Variants in RBFOX3 observed in about 807,000 individuals in gnomAD.
RBFOX3 encodes RNA binding protein fox-1 homolog 3.
Under a neutral mutation model 48.7 loss-of-function variants are expected in RBFOX3, and 17 were observed. The ratio of observed to expected loss-of-function variants is 0.35; its 90% CI spans 0.24 to 0.52. The LOEUF (loss-of-function observed/expected upper bound fraction) is 0.52, where lower values mean the gene tolerates loss of function less well. Ranked by LOEUF, RBFOX3 falls within the 20% of genes least tolerant of loss-of-function variation. RBFOX3 has a pLI of 0.94. For synonymous variants in RBFOX3, 212 were observed against 209.5 expected (o/e 1.01, Z -0.10); for missense variants, 382 against 497.5 (o/e 0.77, Z 2.21).
At chr17:79,192,871 G>A (rs1412700305) in intron 4 of RBFOX3, among the ~76,000 whole-genome samples, 1 of 152,188 alleles carries the variant, frequency 6.6e-6, no homozygotes, top group Non-Finnish European at 1.5e-5. Context: ...TCCCTTTGGG[G>A]CCCTGCACAC....
intron 3 of RBFOX3, among the ~76,000 whole-genome samples, chr17:79,262,348 G>C (rs894359124): frequency 6.6e-6 from 1 of 152,248 alleles, no homozygotes; most frequent in African/African-American, 2.4e-5. Context: ...ACTGGCCTGG[G>C]AGCCAGCCAT....
chr17:79,290,208 T>C (rs1028038449), intron 3 of RBFOX3, among the ~76,000 whole-genome samples: 54 of 151,852 alleles, frequency 3.6e-4, no homozygotes, highest in African/African-American at 1.3e-3. Flanking sequence ...GGAGGCATCA[T>C]AGAGCCTTGT....
At chr17:79,412,865 TGTGGTGTGTATGCAC>T (rs1487227958) in intron 2 of RBFOX3, among the ~76,000 whole-genome samples, 1 of 151,514 alleles carries the variant, frequency 6.6e-6, no homozygotes, top group Admixed American at 6.6e-5. Context: ...TGAATGTATG[TGTGGTGTGTATGCAC>T]GTGTTGTGTA....
At chr17:79,341,077 C>G (rs1421999699) in intron 2 of RBFOX3, among the ~76,000 whole-genome samples, 1 of 152,216 alleles carries the variant, frequency 6.6e-6, no homozygotes, top group Non-Finnish European at 1.5e-5. Flanking sequence ...ATTCAAATAC[C>G]TCTGAGTGTT....
intron 14 of RBFOX3, 99 bp from the exon 15 acceptor site, chr17:79,090,984 A>G: frequency 8.3e-7 from 1 of 1,208,044 alleles, no homozygotes; most frequent in Non-Finnish European, 1.1e-6. Context: ...CCTGGCCTAA[A>G]GTCCTGGCGC....
intron 2 of RBFOX3, among the ~76,000 whole-genome samples, chr17:79,425,869 A>G (rs1260281276): frequency 6.6e-6 from 1 of 150,940 alleles, no homozygotes; most frequent in East Asian, 2.0e-4. Context: ...GAGGGCAGAG[A>G]CCCCCTTCCA....
At chr17:79,497,102 G>A (rs1887703138) in intron 1 of RBFOX3, among the ~76,000 whole-genome samples, 1 of 152,102 alleles carries the variant, frequency 6.6e-6, no homozygotes, top group African/African-American at 2.4e-5. Context: ...GGAAGTCCTG[G>A]GTCCACCCCC....
At chr17:79,476,095 A>G (rs1479905939) in intron 2 of RBFOX3, among the ~76,000 whole-genome samples, 4 of 152,232 alleles carry the variant, frequency 2.6e-5, no homozygotes, top group Non-Finnish European at 4.4e-5. Flanking sequence ...CACCCTGAGG[A>G]CCAGGCCCTG....
intron 1 of RBFOX3, among the ~76,000 whole-genome samples, chr17:79,510,362 C>T (rs2083938788): frequency 1.3e-5 from 2 of 152,214 alleles, no homozygotes; most frequent in Non-Finnish European, 2.9e-5. Flanking sequence ...CTGACAAGCA[C>T]GCAGGACACG....
At chr17:79,628,812 C>T in the RBFOX3 span, among the ~76,000 whole-genome samples, 1 of 152,222 alleles carries the variant, frequency 6.6e-6, no homozygotes, top group South Asian at 2.1e-4. Context: ...AGACAAAAGG[C>T]AACTTTCTTC....
chr17:79,498,309 GA>G (rs1396637933), intron 1 of RBFOX3, among the ~76,000 whole-genome samples: 1 of 152,110 alleles, frequency 6.6e-6, no homozygotes, highest in African/African-American at 2.4e-5. Flanking sequence ...GGCTCTTGTG[GA>G]GCTTCATGAA....
At chr17:79,597,001 T>A (rs2145226881) in intron 1 of RBFOX3, among the ~76,000 whole-genome samples, 1 of 152,192 alleles carries the variant, frequency 6.6e-6, no homozygotes, top group Admixed American at 6.5e-5. Context: ...GCCACGCCCC[T>A]CCTAGGACAC....
Position 79,175,255 on chromosome 17 carries a change from C to A in RBFOX3, c.-33-59507G>T, listed in dbSNP as rs2050281674. On this transcript the variant is annotated intron_variant, in intron 4 of 14. Transcript: ENST00000693108. Reference sequence around the variant, plus strand: ...CCTGACCCTGAGCACCTGTCATTTCCCAACTGGCATCCTCGCTCTTTCACA... The same window carrying A: ...CCTGACCCTGAGCACCTGTCATTTCACAACTGGCATCCTCGCTCTTTCACA... Among the ~76,000 whole-genome samples the A allele has an allele frequency of 2.0e-5, 3 of 152,242 alleles. 1 individual carries two copies. In the South Asian group the frequency reaches 6.2e-4, roughly 31 times the overall value.
intron 3 of RBFOX3, among the ~76,000 whole-genome samples, chr17:79,280,847 G>GT (rs199840719): frequency 2.7e-5 from 4 of 147,394 alleles, no homozygotes; most frequent in Non-Finnish European, 4.5e-5. Flanking sequence ...ATTGTGGGGG[G>GT]GGGGAGGGGA....
intron 1 of RBFOX3, among the ~76,000 whole-genome samples, chr17:79,541,734 G>A (rs896675480): frequency 6.6e-6 from 1 of 152,356 alleles, no homozygotes; most frequent in South Asian, 2.1e-4. Context: ...TCACCCCGGA[G>A]CAGGATTTCA....
chr17:79,317,179 C>A (rs977796397), intron 2 of RBFOX3, among the ~76,000 whole-genome samples: 1 of 152,204 alleles, frequency 6.6e-6, no homozygotes, highest in Non-Finnish European at 1.5e-5. Context: ...TTGCCACTTT[C>A]TCAAGGCCAC....
chr17:79,439,478 C>G (rs782333934), intron 2 of RBFOX3, among the ~76,000 whole-genome samples: 4 of 152,254 alleles, frequency 2.6e-5, no homozygotes, highest in Non-Finnish European at 5.9e-5. Context: ...TGACTGGTGT[C>G]TGGCAGGCGG....
the RBFOX3 span, among the ~76,000 whole-genome samples, chr17:79,618,209 A>G: frequency 6.6e-6 from 1 of 152,178 alleles, no homozygotes; most frequent in African/African-American, 2.4e-5. Context: ...AAAACACACA[A>G]GTGGAAATAG....
chr17:79,466,878 T>C (rs868957446), intron 2 of RBFOX3, among the ~76,000 whole-genome samples: 81 of 152,032 alleles, frequency 5.3e-4, no homozygotes, highest in African/African-American at 1.7e-3. Flanking sequence ...CGACCAGGTG[T>C]GAAGAGGGCC....
Sources: allele counts gnomAD v4.1 joint callset (sites outside exome capture counted in the v4.1 genomes callset), GRCh38; gene constraint gnomAD v4.1.1; transcripts MANE v1.5; gene names NCBI Gene and HGNC (gene_info 2026-07-23, HGNC 2026-07-21).